The following GRIK2 variants were observed in gnomAD, a reference collection of about 807,000 sequenced individuals.
GRIK2 encodes the protein glutamate ionotropic receptor kainate type subunit 2.
In GRIK2, 32 loss-of-function variants were observed where a neutral mutation model predicts 100.3. The ratio of observed to expected loss-of-function variants is 0.32; its 90% confidence interval spans 0.24 to 0.43. The LOEUF (loss-of-function observed/expected upper bound fraction) is 0.43, where lower values mean the gene tolerates loss of function less well. GRIK2 is among the 20% of genes least tolerant of loss of function. The probability of loss-of-function intolerance (pLI) is 1.00; values close to 1 mark genes in which losing one functional copy is unlikely to be tolerated. For missense variants in GRIK2, 843 were observed against 1,114.9 expected (o/e 0.76, Z 3.47); for synonymous variants, 417 against 389.4 (o/e 1.07, Z -0.83).
At chr6:101,657,059 T>C (rs1240972826) in intron 4 of GRIK2, among the ~76,000 whole-genome samples, 1 of 152,232 alleles carries the variant, frequency 6.6e-6, no homozygotes, top group Non-Finnish European at 1.5e-5. Context: ...ACAATATTTC[T>C]TCTTCATAGA....
intron 14 of GRIK2, among the ~76,000 whole-genome samples, chr6:102,026,540 G>T (rs1769714039): frequency 1.3e-5 from 2 of 151,032 alleles, no homozygotes; most frequent in African/African-American, 4.8e-5. Context: ...AAGATAATAT[G>T]CAATGAACCT....
At chr6:101,985,629 T>C (rs1438510324) in intron 14 of GRIK2, among the ~76,000 whole-genome samples, 1 of 151,762 alleles carries the variant, frequency 6.6e-6, no homozygotes, top group East Asian at 1.9e-4. Flanking sequence ...TAAATACACA[T>C]AATACTCTTA....
intron 2 of GRIK2, among the ~76,000 whole-genome samples, chr6:101,550,993 G>A (rs965285562): frequency 2.6e-5 from 4 of 152,094 alleles, no homozygotes; most frequent in Non-Finnish European, 5.9e-5. Context: ...TCTGCTCCCT[G>A]CTCTGATGAC....
intron 2 of GRIK2, among the ~76,000 whole-genome samples, chr6:101,541,376 C>CCCACACACACACACA (rs1554217240): frequency 0.039 from 220 of 5,592 alleles, 2 homozygotes; most frequent in African/African-American, 0.056. Flanking sequence ...GCGCACACAA[C>CCCACACACACACACA]CACACACACA....
Position 101,756,531 on chromosome 6 carries a change from C to T in GRIK2, c.952-43117C>T, listed in dbSNP as rs9498688. 2.6e-3 allele frequency among the ~76,000 whole-genome samples: 344 copies of T among 134,646 alleles called. 1 individual carries two copies. Among genetic ancestry groups the T allele is most frequent in the African/African-American group, 9.4e-3 (317 of 33,548 alleles). The allele number at this position is 134,646 out of a possible 152,430, so 88.3% of individuals were successfully genotyped here. Reference sequence around the variant, plus strand: ...TTATTCCAACACTGTTTAAAAGATACGTTTTCTCCTAAGCAAAGCCTTCAT... The same window carrying T: ...TTATTCCAACACTGTTTAAAAGATATGTTTTCTCCTAAGCAAAGCCTTCAT... On this transcript the variant is annotated intron_variant, in intron 7 of 16. Transcript: ENST00000369134.
chr6:101,659,922 C>G (rs1021699278), intron 4 of GRIK2, among the ~76,000 whole-genome samples: 7 of 151,998 alleles, frequency 4.6e-5, no homozygotes, highest in Non-Finnish European at 7.4e-5. Flanking sequence ...TCATTTCAAC[C>G]TTGGTGAATC....
chr6:101,617,457 A>G (rs575719235), intron 2 of GRIK2, among the ~76,000 whole-genome samples: 1 of 151,886 alleles, frequency 6.6e-6, no homozygotes, highest in Non-Finnish European at 1.5e-5. Context: ...CCATGTTGTT[A>G]TAAATATTCT....
rs193267331 is a variant in GRIK2, at chr6:101,924,525, T to C, written c.1749-76T>C. The C allele has an allele frequency of 2.5e-3, 1,999 of 792,136 alleles. 10 individuals are homozygous for C. Among genetic ancestry groups the C allele is most frequent in the Non-Finnish European group, 3.6e-3 (1,650 of 454,326 alleles). The allele number at this position is 792,136 out of a possible 1,614,324, so 49.1% of individuals were successfully genotyped here. Reference sequence around the variant, plus strand: ...AAACTTATCTGTCTTTTTGTTTCTTTTGCAGCAAAAAATGCTGGATAGAAT... The same window carrying C: ...AAACTTATCTGTCTTTTTGTTTCTTCTGCAGCAAAAAATGCTGGATAGAAT... On this transcript the variant is annotated intron_variant, in intron 12 of 16. Coordinates refer to ENST00000369134, the MANE Select transcript of GRIK2 (RefSeq NM_021956.5).
At chr6:101,968,878 A>G (rs1252265704) in intron 14 of GRIK2, among the ~76,000 whole-genome samples, 1 of 152,036 alleles carries the variant, frequency 6.6e-6, no homozygotes, top group East Asian at 1.9e-4. Context: ...TGCATTTCCA[A>G]TATAAATTTA....
intron 11 of GRIK2, among the ~76,000 whole-genome samples, chr6:101,877,773 C>G (rs1023601780): frequency 4.0e-5 from 6 of 151,772 alleles, no homozygotes; most frequent in Admixed American, 4.0e-4. Context: ...TTGTTGAGCT[C>G]TATTTTTCAA....
At chr6:101,555,324 T>C (rs771019088) in intron 2 of GRIK2, among the ~76,000 whole-genome samples, 2 of 152,178 alleles carry the variant, frequency 1.3e-5, no homozygotes, top group South Asian at 2.1e-4. Flanking sequence ...GTTGTAATTA[T>C]AGGGTCGTTG....
intron 2 of GRIK2, among the ~76,000 whole-genome samples, chr6:101,416,603 A>G (rs1043953775): frequency 6.6e-6 from 1 of 152,238 alleles, no homozygotes; most frequent in Non-Finnish European, 1.5e-5. Context: ...AACCACTTCC[A>G]CATAACAATT....
intron 10 of GRIK2, among the ~76,000 whole-genome samples, chr6:101,830,243 C>T (rs146555276): frequency 5.3e-5 from 8 of 151,982 alleles, no homozygotes; most frequent in African/African-American, 1.9e-4. Flanking sequence ...TGAAACTGGA[C>T]CACTACTTTT....
intron 2 of GRIK2, among the ~76,000 whole-genome samples, chr6:101,445,779 T>C (rs1770340587): frequency 6.6e-6 from 1 of 152,154 alleles, no homozygotes; most frequent in African/African-American, 2.4e-5. Context: ...ACTCATTCAC[T>C]AATGTGGTCC....
chr6:101,928,660 A>C, intron 14 of GRIK2, 28 bp downstream of exon 14: 4 of 1,139,754 alleles, frequency 3.5e-6, no homozygotes, highest in African/African-American at 1.5e-5. Flanking sequence ...CCTAAAATTT[A>C]CAAATTAAAA....
chr6:101,557,129 C>G lies in GRIK2; in HGVS notation c.116-64820C>G, dbSNP rs575846570. Among the ~76,000 whole-genome samples the G allele has an allele frequency of 1.3e-3, 191 of 152,116 alleles. 1 individual carries two copies. Among genetic ancestry groups the G allele is most frequent in the African/African-American group, 4.1e-3 (171 of 41,494 alleles). On this transcript the variant is annotated intron_variant, in intron 2 of 16. Transcript: ENST00000369134. ...AAGTTGGCTTTGGAATGAATATAGT[C>G]TAATATTTGAAAATAATAAAAACTG...
At chr6:101,643,071 G>A (rs931510358) in intron 4 of GRIK2, among the ~76,000 whole-genome samples, 6 of 151,454 alleles carry the variant, frequency 4.0e-5, no homozygotes, top group African/African-American at 1.5e-4. Context: ...TATTTTAGCT[G>A]TTTGATTCAT....
chr6:101,505,723 A>G (rs1352530885), intron 2 of GRIK2, among the ~76,000 whole-genome samples: 1 of 151,734 alleles, frequency 6.6e-6, no homozygotes, highest in Non-Finnish European at 1.5e-5. Flanking sequence ...AGAACCTTGA[A>G]GAATATAAGA....
intron 11 of GRIK2, among the ~76,000 whole-genome samples, chr6:101,886,820 C>CT (rs3054431): frequency 0.03 from 2,189 of 73,360 alleles, 54 homozygotes; most frequent in African/African-American, 0.083. Context: ...TTCTTTCTAC[C>CT]TTTTTTTTTT....
Sources: gnomAD v4.1 joint callset for allele counts (sites outside exome capture counted in the v4.1 genomes callset) on GRCh38, gnomAD v4.1.1 for gene constraint, MANE v1.5 for transcripts, NCBI Gene and HGNC (gene_info 2026-07-23, HGNC 2026-07-21) for gene names.